XIRP2: variants seen among roughly 807,000 people sequenced by gnomAD.
XIRP2 encodes xin actin binding repeat containing 2.
XIRP2 carries 236 observed loss-of-function variants against 277.0 expected under a neutral mutation model. That is an observed-to-expected ratio of 0.85 (90% CI 0.77 to 0.95). XIRP2 has a LOEUF of 0.95. Ranked by LOEUF, XIRP2 falls within the 40% of genes least tolerant of loss-of-function variation. The pLI is 0.00. For synonymous variants in XIRP2, 1,490 were observed against 1,416.5 expected (o/e 1.05, Z -1.17); for missense variants, 4,640 against 4,157.5 (o/e 1.12, Z -3.19).
intron 3 of XIRP2, among the ~76,000 whole-genome samples, chr2:167,205,356 T>C (rs1693825725): frequency 6.6e-6 from 1 of 152,202 alleles, no homozygotes; most frequent in East Asian, 1.9e-4. Context: ...ATACAAACCT[T>C]ATTAATTATA....
intron 2 of XIRP2, among the ~76,000 whole-genome samples, chr2:167,072,423 A>G (rs1056869014): frequency 3.3e-5 from 5 of 152,216 alleles, no homozygotes; most frequent in Admixed American, 3.3e-4. Flanking sequence ...CTTTTTCTTC[A>G]TGTAATAATG....
intron 2 of XIRP2, among the ~76,000 whole-genome samples, chr2:167,034,849 C>G (rs149102081): frequency 1.3e-5 from 2 of 152,292 alleles, no homozygotes. Context: ...CCACCCAAAT[C>G]TCAACTTGAA....
intron 2 of XIRP2, among the ~76,000 whole-genome samples, chr2:166,973,438 G>T (rs1686628001): frequency 6.6e-6 from 1 of 152,146 alleles, no homozygotes. Flanking sequence ...CCATGTAGGT[G>T]TAACTATTCC....
At chr2:167,020,850 T>C (rs2105484344) in intron 2 of XIRP2, among the ~76,000 whole-genome samples, 1 of 152,216 alleles carries the variant, frequency 6.6e-6, no homozygotes, top group South Asian at 2.1e-4. Flanking sequence ...GGAGTAACTT[T>C]TTTATTATTT....
intron 2 of XIRP2, among the ~76,000 whole-genome samples, chr2:166,939,838 C>T (rs775743073): frequency 7.2e-5 from 11 of 152,102 alleles, no homozygotes; most frequent in Non-Finnish European, 1.2e-4. Context: ...ATAGGCTTCC[C>T]TTTGTGGGTA....
At chr2:167,031,288 T>C (rs6726686) in intron 2 of XIRP2, among the ~76,000 whole-genome samples, 64,607 of 151,856 alleles carry the variant, frequency 0.43, 16,581 homozygotes, top group East Asian at 0.82. Context: ...TTCATAGTGT[T>C]GATGGTCTTT....
chr2:167,155,893 G>A (rs1692180795), intron 3 of XIRP2, among the ~76,000 whole-genome samples: 4 of 150,444 alleles, frequency 2.7e-5, no homozygotes, highest in East Asian at 1.9e-4. Context: ...AGCAACTTCA[G>A]CAAAGTCTCA....
At chr2:166,917,295 T>C (rs1272646597) in intron 2 of XIRP2, among the ~76,000 whole-genome samples, 2 of 152,150 alleles carry the variant, frequency 1.3e-5, no homozygotes, top group Admixed American at 1.3e-4. Flanking sequence ...TGTTCAATTA[T>C]AGTTTTCAAA....
At chr2:167,024,351 G>A (rs1265044075) in intron 2 of XIRP2, among the ~76,000 whole-genome samples, 1 of 152,048 alleles carries the variant, frequency 6.6e-6, no homozygotes, top group African/African-American at 2.4e-5. Flanking sequence ...AGGAGATTTT[G>A]GGCTGAGATG....
chr2:166,974,582 A>G (rs943541988), intron 2 of XIRP2, among the ~76,000 whole-genome samples: 5 of 151,926 alleles, frequency 3.3e-5, no homozygotes, highest in African/African-American at 7.2e-5. Context: ...TAATAACTCT[A>G]AGTAGACTAT....
intron 3 of XIRP2, among the ~76,000 whole-genome samples, chr2:167,173,751 G>A (rs1325068484): frequency 1.3e-5 from 2 of 152,146 alleles, no homozygotes; most frequent in African/African-American, 4.8e-5. Context: ...TTTACTTACA[G>A]TGTACTAGGG....
chr2:167,251,631 G>A lies in XIRP2; in HGVS notation c.10239G>A (p.Arg3413=), dbSNP rs778317006. ...AGCCCAGGATCTGCTCTGAAACCAG[G>A]TCTCTAAGTGAACATTTCTCAGGCA... ...VKQPRICSET[R]SLSEHFSGMD... is the part of the protein sequence containing the mutation. Residue 3413 remains arginine, a synonymous_variant, in exon 9 of 11, where the codon AGG becomes AGA. Coordinates refer to ENST00000409195, the MANE Select transcript of XIRP2 (RefSeq NM_152381.6). 1.2e-6 allele frequency: 2 copies of A among 1,613,458 alleles called. No homozygotes were observed. Among genetic ancestry groups the A allele is most frequent in the Admixed American group, 3.3e-5 (2 of 59,950 alleles).
chr2:166,903,825 G>T lies in XIRP2; in HGVS notation c.343G>T (p.Asp115Tyr). 1 of 1,613,656 alleles carries T rather than the reference G, an allele frequency of 6.2e-7. No homozygotes were observed. Among genetic ancestry groups the T allele is most frequent in the Non-Finnish European group, 8.5e-7 (1 of 1,179,750 alleles). The change falls in exon 2 of 11, where the codon GAT (aspartate) becomes TAT (tyrosine). Residue 115 changes from aspartate (D) to tyrosine (Y), a missense_variant. Coordinates refer to ENST00000409195, the MANE Select transcript of XIRP2 (RefSeq NM_152381.6). ...RRIERFSIAL[D>Y]ELRSVFEAPK... ...GATTGAACGCTTTTCCATTGCCCTT[G>T]ATGAGCTGAGGAGTGTGTTTGAGGC...
At chr2:167,131,856 C>T (rs1691387182) in intron 2 of XIRP2, among the ~76,000 whole-genome samples, 1 of 152,174 alleles carries the variant, frequency 6.6e-6, no homozygotes, top group Non-Finnish European at 1.5e-5. Context: ...TTTTGGACAT[C>T]TTGCTACCCA....
intron 2 of XIRP2, among the ~76,000 whole-genome samples, chr2:167,054,141 C>T (rs528381216): frequency 6.6e-6 from 1 of 152,092 alleles, no homozygotes. Context: ...GTATTGACAA[C>T]CTTCAAAATG....
At chr2:167,025,797 T>G (rs1216361848) in intron 2 of XIRP2, among the ~76,000 whole-genome samples, 1 of 152,170 alleles carries the variant, frequency 6.6e-6, no homozygotes, top group South Asian at 2.1e-4. Context: ...AGTTCTAGTT[T>G]GCTTGCACTG....
In XIRP2 at chr2:167,245,839, C is replaced by T; in HGVS notation, c.4447C>T (p.Gln1483Ter). Residue 1483 changes from glutamine to a stop codon, truncating the protein, a stop_gained, in exon 9 of 11, where the codon CAG (glutamine) becomes TAG (stop). Transcript: ENST00000409195. LOFTEE classifies it high-confidence loss of function. ...NIKTVTQEDV[Q>*]KGDVKQAVWL... ...CAAGACAGTCACTCAGGAAGATGTGCAGAAAGGTGATGTTAAGCAGGCTGT... is the reference window on the plus strand; with the variant it reads ...CAAGACAGTCACTCAGGAAGATGTGTAGAAAGGTGATGTTAAGCAGGCTGT... 1 of 1,613,656 alleles carries T rather than the reference C, an allele frequency of 6.2e-7. No individual in the cohort carries two copies. The highest frequency in any genetic ancestry group is 8.5e-7 in the Non-Finnish European group (1 of 1,179,746).
rs1234035508 is a variant in XIRP2 at position 167,227,396 on chromosome 2, A to G, written c.858+9096A>G. ...TTGAAATAGTAGTTTCTGCATATATATGACATATTAGAATATTAAAAATAA... is the reference window on the plus strand; with the variant it reads ...TTGAAATAGTAGTTTCTGCATATATGTGACATATTAGAATATTAAAAATAA... On this transcript the variant is annotated intron_variant, in intron 5 of 10. Coordinates refer to ENST00000409195, the MANE Select transcript of XIRP2 (RefSeq NM_152381.6). 1.3e-5 allele frequency among the ~76,000 whole-genome samples: 2 copies of G among 152,142 alleles called. 1 individual carries two copies. The highest frequency in any genetic ancestry group is 2.9e-5 in the Non-Finnish European group (2 of 68,012).
At chr2:167,042,484 G>A (rs1182104256) in intron 2 of XIRP2, among the ~76,000 whole-genome samples, 1 of 152,086 alleles carries the variant, frequency 6.6e-6, no homozygotes, top group Non-Finnish European at 1.5e-5. Context: ...AAAGTAAAGG[G>A]ATGGAGAAAG....
Sources: gnomAD v4.1 joint callset for allele counts (sites outside exome capture counted in the v4.1 genomes callset) on GRCh38, gnomAD v4.1.1 for gene constraint, MANE v1.5 for transcripts, NCBI Gene and HGNC (gene_info 2026-07-23, HGNC 2026-07-21) for gene names.